The following ABCA13 variants were observed in gnomAD, a reference collection of about 807,000 sequenced individuals.
The protein encoded by ABCA13 is ATP-binding cassette sub-family A member 13.
In ABCA13, 476 loss-of-function variants were observed where a neutral mutation model predicts 478.7. The observed-to-expected ratio is 0.99, with a 90% CI of 0.92 to 1.07. ABCA13 has a LOEUF of 1.07. Ranked by LOEUF, ABCA13 falls within the 50% of genes least tolerant of loss-of-function variation. The pLI is 0.00. For missense variants in ABCA13, 6,060 were observed against 5,910.6 expected (o/e 1.03, Z -0.83); for synonymous variants, 2,252 against 2,158.9 (o/e 1.04, Z -1.20).
intron 3 of ABCA13, among the ~76,000 whole-genome samples, chr7:48,202,630 T>C (rs1472601406): frequency 2.7e-5 from 4 of 150,450 alleles, no homozygotes; most frequent in African/African-American, 9.8e-5. Context: ...TTACAATCCC[T>C]GAGCTAGACA....
chr7:48,491,738 C>A (rs1215827455), intron 48 of ABCA13, among the ~76,000 whole-genome samples: 1 of 152,112 alleles, frequency 6.6e-6, no homozygotes, highest in East Asian at 1.9e-4. Flanking sequence ...TAAAGAACTC[C>A]CACGAGCAGG....
intron 3 of ABCA13, among the ~76,000 whole-genome samples, chr7:48,219,127 T>C (rs1055822741): frequency 2.6e-5 from 4 of 152,198 alleles, no homozygotes; most frequent in Non-Finnish European, 4.4e-5. Context: ...TTTCAGATAA[T>C]ACAGAGAATG....
chr7:48,281,430 A>ACGTGTG lies in ABCA13; in HGVS notation c.8816_8821dup (p.Arg2939_Val2940dup), dbSNP rs1339703209. 1 of 1,602,278 alleles carries ACGTGTG rather than the reference A, an allele frequency of 6.2e-7. No homozygotes were observed. Among genetic ancestry groups the ACGTGTG allele is most frequent in the South Asian group, 1.1e-5 (1 of 88,472 alleles). On this transcript the variant is annotated inframe_insertion, in exon 19 of 62. Transcript: ENST00000435803. ...TGCAGAAAGTGAAGATGATGGTCGT[A>ACGTGTG]CGTGTGCTCACCATCGTTGCAGGTG... is the stretch of plus-strand genomic sequence containing the variant.
intron 41 of ABCA13, among the ~76,000 whole-genome samples, chr7:48,415,476 C>T (rs1489060548): frequency 6.6e-6 from 1 of 152,112 alleles, no homozygotes; most frequent in East Asian, 1.9e-4. Context: ...ACTGGACTCT[C>T]AGGGCAGGGA....
intron 29 of ABCA13, among the ~76,000 whole-genome samples, chr7:48,341,806 T>TTTTCTGATATATATATATATC (rs1563084230): frequency 4.9e-5 from 7 of 142,160 alleles, no homozygotes; most frequent in African/African-American, 1.5e-4. Flanking sequence ...TCTTCTTTTC[T>TTTTCTGATATATATATATATC]TTTCTGATAT....
chr7:48,196,588 C>G (rs963196063), intron 2 of ABCA13, among the ~76,000 whole-genome samples: 1 of 152,138 alleles, frequency 6.6e-6, no homozygotes, highest in Non-Finnish European at 1.5e-5. Context: ...ATGGCAATGA[C>G]TAAAAAATGC....
intron 59 of ABCA13, among the ~76,000 whole-genome samples, chr7:48,637,063 T>C (rs1380976844): frequency 6.6e-6 from 1 of 152,068 alleles, no homozygotes; most frequent in Non-Finnish European, 1.5e-5. Flanking sequence ...AGAAGAAGTT[T>C]AATCCACTCT....
At chr7:48,591,657 A>G (rs901708633) in intron 57 of ABCA13, among the ~76,000 whole-genome samples, 1 of 151,954 alleles carries the variant, frequency 6.6e-6, no homozygotes, top group South Asian at 2.1e-4. Context: ...TCAAAATGTT[A>G]TAGTTTTCAG....
chr7:48,523,612 A>G (rs1038927255), intron 53 of ABCA13, among the ~76,000 whole-genome samples: 3 of 151,974 alleles, frequency 2.0e-5, no homozygotes, highest in Non-Finnish European at 4.4e-5. Flanking sequence ...ATGTTGGCAT[A>G]TTATAGTTTA....
intron 43 of ABCA13, among the ~76,000 whole-genome samples, chr7:48,458,732 A>T (rs541736442): frequency 1.3e-5 from 2 of 152,318 alleles, no homozygotes; most frequent in East Asian, 3.9e-4. Context: ...AAATGAAGGG[A>T]ACAGATGACA....
intron 38 of ABCA13, among the ~76,000 whole-genome samples, chr7:48,401,025 G>A (rs1352209468): frequency 1.3e-5 from 2 of 152,234 alleles, no homozygotes; most frequent in African/African-American, 2.4e-5. Flanking sequence ...GGGACCCAGT[G>A]GATGCCAGTG....
At chr7:48,327,223 T>C (rs1804472998) in intron 27 of ABCA13, among the ~76,000 whole-genome samples, 1 of 152,048 alleles carries the variant, frequency 6.6e-6, no homozygotes. Context: ...CTTACAATCA[T>C]ATTGGAAGGT....
intron 47 of ABCA13, 85 bp downstream of exon 47, chr7:48,483,248 C>G (rs1918584): frequency 0.52 from 632,353 of 1,211,310 alleles, 166,683 homozygotes; most frequent in East Asian, 0.75. Context: ...GCACAGGGTT[C>G]AGAAGGACCA....
chr7:48,288,074 T>TC lies in ABCA13; in HGVS notation c.8953dup (p.Gln2985ProfsTer4). On this transcript the variant is annotated frameshift_variant, in exon 20 of 62. Coordinates refer to ENST00000435803, the MANE Select transcript of ABCA13 (RefSeq NM_152701.5). LOFTEE classifies it high-confidence loss of function. ...GGGGTCACTTTGGCGCAGGACCACTTCCAGGTTTGTCGTCTTTAATATTTC... is the reference window on the plus strand; with the variant it reads ...GGGGTCACTTTGGCGCAGGACCACTTCCCAGGTTTGTCGTCTTTAATATTTC... 6.2e-7 allele frequency: 1 copy of TC among 1,613,160 alleles called. No individual in the cohort carries two copies. Among genetic ancestry groups the TC allele is most frequent in the Non-Finnish European group, 8.5e-7 (1 of 1,179,164 alleles).
chr7:48,524,205 A>G (rs1432521161), intron 53 of ABCA13, 43 bp from the exon 54 acceptor site: 2 of 1,561,406 alleles, frequency 1.3e-6, no homozygotes, highest in South Asian at 1.2e-5. Context: ...CTATTCTGGT[A>G]TCATTTGCTA....
chr7:48,578,357 T>C (rs1284693920), intron 55 of ABCA13, among the ~76,000 whole-genome samples: 1 of 152,170 alleles, frequency 6.6e-6, no homozygotes, highest in Non-Finnish European at 1.5e-5. Context: ...CTAGAACTAA[T>C]AGCCATTTAT....
In ABCA13 at chr7:48,273,763, A is replaced by G; in HGVS notation, c.4097A>G (p.Asn1366Ser). ...TTAGAAGATGGCTTTTTATATGTAA[A>G]TACCTCACAGAGGATGTTACGTATT... ...CILEDGFLYVNTSQRMLRILD... is the reference protein window; with the variant it reads ...CILEDGFLYVSTSQRMLRILD... The change falls in exon 17 of 62, where the codon AAT (asparagine) becomes AGT (serine). Residue 1366 changes from asparagine to serine, a missense_variant. By Grantham distance (46) the Asn-to-Ser change is conservative. Around this residue, in one of 3 missense-constraint regions of ABCA13, gnomAD observed 4,423 missense variants for 4,309.1 expected, o/e 1.03. Coordinates refer to ENST00000435803, the MANE Select transcript of ABCA13 (RefSeq NM_152701.5). 6.2e-7 allele frequency: 1 copy of G among 1,610,814 alleles called. No individual in the cohort carries two copies. The highest frequency in any genetic ancestry group is 1.1e-5 in the South Asian group (1 of 90,730).
In ABCA13 at chr7:48,443,894, C is replaced by T. The variant is rs545910490; in HGVS notation, c.12566-11143C>T. Among the ~76,000 whole-genome samples the T allele has an allele frequency of 9.8e-3, 1,490 of 152,110 alleles. 31 individuals carry two copies. The highest frequency in any genetic ancestry group is 0.034 in the African/African-American group (1,426 of 41,370). Reference sequence around the variant, plus strand: ...CCTTCCTGTTACAGGAGGAAACACCCTCTTTCCTTCCTGTTACAGGAGGAA... The same window carrying T: ...CCTTCCTGTTACAGGAGGAAACACCTTCTTTCCTTCCTGTTACAGGAGGAA... On this transcript the variant is annotated intron_variant, in intron 42 of 61. Transcript: ENST00000435803.
At position 48,617,721 on chromosome 7, in the gene ABCA13, C is replaced by A. The variant is rs116849153; in HGVS notation, c.14837+2344C>A. On this transcript the variant is annotated intron_variant, in intron 59 of 61. Coordinates refer to ENST00000435803, the MANE Select transcript of ABCA13 (RefSeq NM_152701.5). ...TTCTGAATTGCAGTGCTGACCTTGA[C>A]CTCATGAACAGTCGGGAACCCTTCA... Among the ~76,000 whole-genome samples the A allele has an allele frequency of 1.9e-3, 296 of 152,248 alleles. 1 individual carries two copies. Among genetic ancestry groups the A allele is most frequent in the Middle Eastern group, 0.01 (3 of 294 alleles).
Sources: gnomAD v4.1 joint callset for allele counts (sites outside exome capture counted in the v4.1 genomes callset) on GRCh38, gnomAD v4.1.1 for gene constraint, gnomAD v4.1.1 regional missense constraint, MANE v1.5 for transcripts, NCBI Gene and HGNC (gene_info 2026-07-23, HGNC 2026-07-21) for gene names.